The following DOP1B variants were observed in gnomAD, a reference collection of about 807,000 sequenced individuals.
DOP1B encodes the protein DOP1 leucine zipper like protein B, also known as protein DOP1B.
A neutral mutation model predicts 233.5 loss-of-function variants in DOP1B; 174 were observed. The ratio of observed to expected loss-of-function variants is 0.75; its 90% confidence interval spans 0.66 to 0.85. The LOEUF is 0.85. DOP1B is among the 40% of genes least tolerant of loss of function. The pLI is 0.00. For missense variants in DOP1B, 2,652 were observed against 2,846.6 expected, an observed-to-expected ratio of 0.93 and a Z score of 1.56; for synonymous variants, 1,190 against 1,185.6, an observed-to-expected ratio of 1.00 and a Z score of -0.08.
chr21:36,200,375 G>A lies in DOP1B; in HGVS notation c.365G>A (p.Arg122Lys). 6.2e-7 allele frequency: 1 copy of A among 1,612,896 alleles called. No homozygotes were observed. ...PLLAHAAVSV[R>K]PVLLTLYEKY... Reference sequence around the variant, plus strand: ...CTGGCACACGCGGCGGTGTCGGTGAGGCCGGTGCTGCTCACCCTGTACGAG... The same window carrying A: ...CTGGCACACGCGGCGGTGTCGGTGAAGCCGGTGCTGCTCACCCTGTACGAG... Residue 122 changes from arginine (R) to lysine (K), a missense_variant, in exon 4 of 37, where the codon AGG becomes AAG. Physicochemically the swap from Arg to Lys is conservative, Grantham distance 26. Around this residue, in one of 3 missense-constraint regions of DOP1B, gnomAD observed 2,617 missense variants for 2,794.3 expected, o/e 0.94. Coordinates refer to ENST00000691173, the MANE Select transcript of DOP1B (RefSeq NM_001320714.2).
chr21:36,200,511 C>A lies in DOP1B; in HGVS notation c.491+10C>A. ...CCGAGATCTCCGACAGGTGCGTGGG[C>A]GTCTTGTCCAGGCTGTGTTTACTCC... On this transcript the variant is annotated intron_variant, in intron 4 of 36. Coordinates refer to ENST00000691173, the MANE Select transcript of DOP1B (RefSeq NM_001320714.2). 6.3e-7 allele frequency: 1 copy of A among 1,597,834 alleles called. No homozygotes were observed. Among genetic ancestry groups the A allele is most frequent in the Non-Finnish European group, 8.5e-7 (1 of 1,173,762 alleles).
In DOP1B at chr21:36,190,255, G is replaced by A. The variant is rs796449202; in HGVS notation, c.139-8815G>A. 3.3e-5 allele frequency among the ~76,000 whole-genome samples: 5 copies of A among 151,918 alleles called. No homozygotes were observed. The East Asian group carries it at 5.8e-4, about 18-fold the overall frequency. ...CAGGAGAATCACTTGAACCCAGGAG[G>A]CGGAGGTTGCAGTGAGCCGAGATTG... On this transcript the variant is annotated intron_variant, in intron 2 of 36. Coordinates refer to ENST00000691173, the MANE Select transcript of DOP1B (RefSeq NM_001320714.2).
intron 4 of DOP1B, among the ~76,000 whole-genome samples, chr21:36,203,318 G>T (rs777983550): frequency 6.6e-6 from 1 of 152,224 alleles, no homozygotes; most frequent in Non-Finnish European, 1.5e-5. Flanking sequence ...CTGAGCCAGT[G>T]TGTTGCAGCC....
At chr21:36,201,974 C>T (rs906520628) in intron 4 of DOP1B, among the ~76,000 whole-genome samples, 4 of 151,956 alleles carry the variant, frequency 2.6e-5, no homozygotes, top group African/African-American at 9.7e-5. Flanking sequence ...CACTTGAGGT[C>T]AGGAGTTCAA....
intron 2 of DOP1B, among the ~76,000 whole-genome samples, chr21:36,193,481 G>C (rs537060598): frequency 6.6e-6 from 1 of 152,268 alleles, no homozygotes; most frequent in East Asian, 1.9e-4. Context: ...AGGGGAGAAG[G>C]GAGGGAGATC....
chr21:36,255,321 T>C (rs2067081781), intron 23 of DOP1B, among the ~76,000 whole-genome samples: 7 of 151,962 alleles, frequency 4.6e-5, no homozygotes, highest in Admixed American at 4.6e-4. Flanking sequence ...TTTTTTTCTT[T>C]TAGTAGAGAC....
intron 2 of DOP1B, among the ~76,000 whole-genome samples, chr21:36,196,979 G>A (rs1402558487): frequency 6.7e-6 from 1 of 148,760 alleles, no homozygotes; most frequent in Non-Finnish European, 1.5e-5. Flanking sequence ...GTCTCACCCT[G>A]TCGCCCAGGC....
At chr21:36,274,597 C>G (rs900687855) in intron 27 of DOP1B, among the ~76,000 whole-genome samples, 19 of 151,962 alleles carry the variant, frequency 1.3e-4, no homozygotes, top group African/African-American at 4.4e-4. Flanking sequence ...TCCGAAGGCC[C>G]CAGGGGCAGA....
intron 27 of DOP1B, among the ~76,000 whole-genome samples, chr21:36,271,464 G>A (rs983583951): frequency 2.0e-5 from 3 of 151,972 alleles, no homozygotes; most frequent in East Asian, 1.9e-4. Context: ...TAAAGACAGC[G>A]TTTCACCATG....
At chr21:36,285,541 C>T (rs376556136) in intron 32 of DOP1B, among the ~76,000 whole-genome samples, 5 of 152,052 alleles carry the variant, frequency 3.3e-5, no homozygotes, top group African/African-American at 1.2e-4. Context: ...GTGGATAGGC[C>T]CAGCCCCCCT....
At chr21:36,219,283 GTA>G (rs1260624988) in intron 9 of DOP1B, 87 bp from the exon 10 acceptor site, 1 of 1,521,888 alleles carries the variant, frequency 6.6e-7, no homozygotes, top group East Asian at 2.3e-5. Flanking sequence ...CAGGTTTACT[GTA>G]TATATGTCTT....
chr21:36,288,649 T>G, intron 33 of DOP1B, 107 bp from the exon 34 acceptor site: 2 of 834,668 alleles, frequency 2.4e-6, no homozygotes, highest in South Asian at 1.7e-5. Context: ...AGACCCCGTC[T>G]TATTCATTCA....
intron 1 of DOP1B, among the ~76,000 whole-genome samples, 178 bp downstream of exon 1, chr21:36,157,121 G>A (rs71326650): frequency 0.044 from 6,631 of 152,140 alleles, 192 homozygotes; most frequent in Non-Finnish European, 0.063. Flanking sequence ...CCGGGCCTGC[G>A]GCGCGCTCTG....
At chr21:36,205,811 C>T (rs917760690) in intron 4 of DOP1B, among the ~76,000 whole-genome samples, 2 of 151,860 alleles carry the variant, frequency 1.3e-5, no homozygotes, top group Non-Finnish European at 2.9e-5. Context: ...TCAAGACCAG[C>T]TTGGCCAACA....
At chr21:36,257,647 GT>G (rs1486242708) in intron 23 of DOP1B, among the ~76,000 whole-genome samples, 2 of 147,042 alleles carry the variant, frequency 1.4e-5, no homozygotes, top group African/African-American at 5.1e-5. Flanking sequence ...GATAGAAGTA[GT>G]TAGGTAAATA....
At chr21:36,164,609 G>A (rs1195789437) in intron 1 of DOP1B, 99 bp from the exon 2 acceptor site, 3 of 923,664 alleles carry the variant, frequency 3.2e-6, no homozygotes, top group Non-Finnish European at 3.1e-6. Flanking sequence ...TTTGTGCACA[G>A]TTGTGTTTGT....
rs377479646 is a variant in DOP1B at position 36,176,401 on chromosome 21, G to A, written c.138+11530G>A. The stretch of plus-strand genomic sequence containing the variant: ...GGCTACGAGCCCTGCCAGCCTCCTT[G>A]TGTATGAGCTGCATCTTTCAGCCTG... On this transcript the variant is annotated intron_variant, in intron 2 of 36. Transcript: ENST00000691173. 2.0e-5 allele frequency among the ~76,000 whole-genome samples: 3 copies of A among 152,088 alleles called. No homozygotes were observed. In the East Asian group the frequency reaches 5.8e-4, roughly 29 times the overall value.
At chr21:36,184,787 A>G (rs558075654) in intron 2 of DOP1B, among the ~76,000 whole-genome samples, 1 of 152,214 alleles carries the variant, frequency 6.6e-6, no homozygotes, top group South Asian at 2.1e-4. Context: ...GCTGCGGGGA[A>G]CAGGATCGCT....
chr21:36,235,892 A>T (rs1051866587), intron 15 of DOP1B, among the ~76,000 whole-genome samples: 1 of 152,108 alleles, frequency 6.6e-6, no homozygotes, highest in African/African-American at 2.4e-5. Context: ...GTAGTCAAAA[A>T]GTTATATATC....
Sources: allele counts gnomAD v4.1 joint callset (sites outside exome capture counted in the v4.1 genomes callset), GRCh38; gene constraint gnomAD v4.1.1; regional missense constraint gnomAD v4.1.1; transcripts MANE v1.5; gene names NCBI Gene and HGNC (gene_info 2026-07-23, HGNC 2026-07-21).